The following GLDC variants were observed in gnomAD, a reference collection of about 807,000 sequenced individuals.
The protein encoded by GLDC is glycine decarboxylase.
In GLDC, 104 loss-of-function variants were observed where a neutral mutation model predicts 121.3. That is an observed-to-expected ratio of 0.86 (90% CI 0.73 to 1.01). GLDC has a LOEUF of 1.01. GLDC is among the 50% of genes least tolerant of loss of function. The probability of loss-of-function intolerance (pLI) is 0.00; values close to 1 mark genes in which losing one functional copy is unlikely to be tolerated. For synonymous variants in GLDC, 546 were observed against 480.6 expected, an observed-to-expected ratio of 1.14 and a Z score of -1.78; for missense variants, 1,429 against 1,306.6, an observed-to-expected ratio of 1.09 and a Z score of -1.44.
chr9:6,589,211 G>A lies in GLDC; in HGVS notation c.1564C>T (p.His522Tyr). ...VFKRTSPFLT[H>Y]QVFNSYHSET... ...CACACAAACCTGTTGAACACTTGAT[G>A]GGTGAGGAACGGGCTGGTCCTCTTG... is the stretch of plus-strand genomic sequence containing the variant. Residue 522 changes from histidine (H) to tyrosine (Y), a missense_variant, in exon 12 of 25, where the codon CAT becomes TAT. Transcript: ENST00000321612. The A allele has an allele frequency of 6.3e-7, 1 of 1,597,724 alleles. No individual in the cohort carries two copies. Among genetic ancestry groups the A allele is most frequent in the East Asian group, 2.2e-5 (1 of 44,772 alleles).
chr9:6,539,958 C>A (rs1444428629), intron 22 of GLDC, 93 bp downstream of exon 22: 1 of 845,528 alleles, frequency 1.2e-6, no homozygotes, highest in East Asian at 2.4e-5. Flanking sequence ...TCCCCCAGAT[C>A]AGTTTACTGT....
chr9:6,587,011 C>A, intron 15 of GLDC, 130 bp downstream of exon 15: 1 of 773,062 alleles, frequency 1.3e-6, no homozygotes, highest in East Asian at 2.6e-5. Context: ...CATGCTCTCC[C>A]CAGTGGAGTG....
chr9:6,611,155 G>C (rs1361450355), intron 3 of GLDC, among the ~76,000 whole-genome samples: 2 of 152,186 alleles, frequency 1.3e-5, no homozygotes, highest in Non-Finnish European at 2.9e-5. Flanking sequence ...TATGGCTATT[G>C]AAATTCCAGG....
chr9:6,575,894 T>A (rs1818055188), intron 15 of GLDC, among the ~76,000 whole-genome samples: 1 of 152,192 alleles, frequency 6.6e-6, no homozygotes, highest in African/African-American at 2.4e-5. Flanking sequence ...CCCGCTGGGC[T>A]CAGTGGGAAA....
intron 15 of GLDC, among the ~76,000 whole-genome samples, chr9:6,583,349 G>A (rs888186725): frequency 1.3e-5 from 2 of 152,090 alleles, no homozygotes; most frequent in Non-Finnish European, 1.5e-5. Flanking sequence ...TAAACAAAAT[G>A]TGCTATATAT....
chr9:6,639,668 A>AAAAAAAATATATATATATATATAT, intron 2 of GLDC: 65 of 250,544 alleles, frequency 2.6e-4, no homozygotes, highest in African/African-American at 2.0e-3. Flanking sequence ...ATAAAAAAAA[A>AAAAAAAATATATATATATATATAT]GTATATATAT....
chr9:6,550,350 G>A (rs941244674), intron 21 of GLDC, among the ~76,000 whole-genome samples: 1 of 152,164 alleles, frequency 6.6e-6, no homozygotes, highest in African/African-American at 2.4e-5. Context: ...GTTATGGCTG[G>A]GCGTGGTGGC....
chr9:6,639,668 A>AAAATATATATATAT lies in GLDC; in HGVS notation c.334+4945_334+4946insATATATATATATTT. On this transcript the variant is annotated intron_variant, in intron 2 of 24. Coordinates refer to ENST00000321612, the MANE Select transcript of GLDC (RefSeq NM_000170.3). ...ATATATCTTTTCACCATAAAAAAAA[A>AAAATATATATATAT]GTATATATATATATATATATGGACA... is the stretch of plus-strand genomic sequence containing the variant. 1.5e-3 allele frequency: 384 copies of AAAATATATATATAT among 250,404 alleles called. 5 individuals carry two copies. The highest frequency in any genetic ancestry group is 6.8e-3 in the African/African-American group (131 of 19,240). The allele number at this position is 250,404 out of a possible 1,614,324, so 15.5% of individuals were successfully genotyped here. A position where few individuals can be genotyped will look rare whatever the true frequency, so the allele number is the denominator to read the frequency against.
intron 17 of GLDC, 101 bp from the exon 18 acceptor site, chr9:6,556,403 C>G (rs1432017784): frequency 1.2e-5 from 12 of 997,254 alleles, no homozygotes; most frequent in Non-Finnish European, 1.9e-5. Context: ...AAGATGAAGT[C>G]TCAGTCTTTA....
intron 15 of GLDC, among the ~76,000 whole-genome samples, chr9:6,576,409 C>A (rs769764573): frequency 3.3e-5 from 5 of 152,112 alleles, no homozygotes; most frequent in Non-Finnish European, 5.9e-5. Context: ...GACCTAATTA[C>A]CTGCCAAAGC....
At chr9:6,556,123 G>A (rs748495210) in intron 18 of GLDC, 30 bp downstream of exon 18, 8 of 1,589,064 alleles carry the variant, frequency 5.0e-6, no homozygotes, top group South Asian at 1.1e-5. Flanking sequence ...TTCTCAGTGG[G>A]AACTAAGGGC....
At chr9:6,637,098 T>TA (rs1280019673) in intron 2 of GLDC, among the ~76,000 whole-genome samples, 8 of 147,698 alleles carry the variant, frequency 5.4e-5, no homozygotes, top group African/African-American at 1.5e-4. Context: ...TTTTTTTTTT[T>TA]AAAAAAGTCC....
At chr9:6,551,477 C>G (rs1817512965) in intron 20 of GLDC, among the ~76,000 whole-genome samples, 1 of 152,190 alleles carries the variant, frequency 6.6e-6, no homozygotes. Flanking sequence ...TGCACCAATT[C>G]TTATGGCCTA....
chr9:6,607,254 A>G (rs1315008794), intron 4 of GLDC, among the ~76,000 whole-genome samples: 1 of 152,056 alleles, frequency 6.6e-6, no homozygotes, highest in Non-Finnish European at 1.5e-5. Context: ...TACCATGAGG[A>G]AAAAGAAAAT....
chr9:6,560,038 G>C (rs1817718975), intron 16 of GLDC, among the ~76,000 whole-genome samples: 1 of 152,162 alleles, frequency 6.6e-6, no homozygotes, highest in Admixed American at 6.6e-5. Flanking sequence ...TATGGAAGCT[G>C]GACAGTAGGT....
chr9:6,598,103 A>C (rs1445151820), intron 8 of GLDC, among the ~76,000 whole-genome samples: 1 of 152,150 alleles, frequency 6.6e-6, no homozygotes, highest in Admixed American at 6.5e-5. Context: ...ATTGCAGCTC[A>C]CTGCAGCCTG....
chr9:6,533,229 G>T (rs1817038668), intron 24 of GLDC, 69 bp from the exon 25 acceptor site: 3 of 1,323,058 alleles, frequency 2.3e-6, no homozygotes, highest in East Asian at 4.6e-5. Context: ...AAAGGAGGTG[G>T]CAATGCTAGT....
At chr9:6,639,992 G>C (rs1819595921) in intron 2 of GLDC, among the ~76,000 whole-genome samples, 1 of 152,100 alleles carries the variant, frequency 6.6e-6, no homozygotes, top group Non-Finnish European at 1.5e-5. Context: ...GACCAACCAG[G>C]CTAAGCCAAA....
At chr9:6,616,263 T>C (rs530342780) in intron 3 of GLDC, among the ~76,000 whole-genome samples, 1 of 152,394 alleles carries the variant, frequency 6.6e-6, no homozygotes, top group Non-Finnish European at 1.5e-5. Context: ...AAAAACTATT[T>C]ATTCAAATTA....
Sources: allele counts gnomAD v4.1 joint callset (sites outside exome capture counted in the v4.1 genomes callset), GRCh38; gene constraint gnomAD v4.1.1; transcripts MANE v1.5; gene names NCBI Gene and HGNC (gene_info 2026-07-23, HGNC 2026-07-21).